The following SLC18A2 variants were observed in gnomAD, a reference collection of about 807,000 sequenced individuals.
The protein encoded by SLC18A2 is solute carrier family 18 member A2.
Under a neutral mutation model 59.2 loss-of-function variants are expected in SLC18A2, and 33 were observed. That is an observed-to-expected ratio of 0.56 (90% CI 0.42 to 0.75). SLC18A2 has a LOEUF of 0.75. Ranked by LOEUF, SLC18A2 falls within the 30% of genes least tolerant of loss-of-function variation. SLC18A2 has a pLI of 0.00. For missense variants in SLC18A2, 569 were observed against 668.6 expected (o/e 0.85, Z 1.64); for synonymous variants, 228 against 253.5 (o/e 0.90, Z 0.95).
intron 4 of SLC18A2, 141 bp from the exon 5 acceptor site, chr10:117,253,907 A>G: frequency 2.7e-6 from 2 of 745,624 alleles, no homozygotes; most frequent in South Asian, 1.6e-5. Context: ...AGGAATTGAT[A>G]GCTTTTTACG....
chr10:117,244,707 C>G (rs1251079728), intron 3 of SLC18A2, among the ~76,000 whole-genome samples: 2 of 152,220 alleles, frequency 1.3e-5, no homozygotes, highest in African/African-American at 4.8e-5. Context: ...TCTCCTACCT[C>G]AGGCCATGCA....
intron 3 of SLC18A2, among the ~76,000 whole-genome samples, chr10:117,247,596 A>G (rs1844121844): frequency 6.6e-6 from 1 of 152,260 alleles, no homozygotes; most frequent in South Asian, 2.1e-4. Context: ...TGTACCAGGC[A>G]GAACTGCTGG....
Position 117,270,917 on chromosome 10 carries a change from G to A in SLC18A2, c.1440+454G>A, listed in dbSNP as rs540624585. On this transcript the variant is annotated intron_variant, in intron 15 of 15. Transcript: ENST00000644641. Reference sequence around the variant, plus strand: ...TGTAGGATTTTAGAGATGATTTTACGATTTTTATGGAAAAATCATTGTATA... The same window carrying A: ...TGTAGGATTTTAGAGATGATTTTACAATTTTTATGGAAAAATCATTGTATA... 3.9e-5 allele frequency among the ~76,000 whole-genome samples: 6 copies of A among 152,196 alleles called. No homozygotes were observed. In the South Asian group the frequency reaches 8.3e-4, roughly 21 times the overall value.
intron 15 of SLC18A2, among the ~76,000 whole-genome samples, chr10:117,272,093 G>T (rs1477654875): frequency 6.6e-6 from 1 of 152,128 alleles, no homozygotes; most frequent in Non-Finnish European, 1.5e-5. Flanking sequence ...TTCCTCCTCT[G>T]TTGCATGGAG....
intron 3 of SLC18A2, among the ~76,000 whole-genome samples, chr10:117,249,563 T>C (rs1238411876): frequency 6.6e-6 from 1 of 152,164 alleles, no homozygotes; most frequent in Non-Finnish European, 1.5e-5. Context: ...TTGCATCTGG[T>C]GATAGTTTGC....
At chr10:117,268,966 T>G (rs1365154352) in intron 13 of SLC18A2, among the ~76,000 whole-genome samples, 1 of 138,044 alleles carries the variant, frequency 7.2e-6, no homozygotes, top group African/African-American at 2.7e-5. Context: ...ACATACACAC[T>G]CATACACAAA....
intron 6 of SLC18A2, 145 bp from the exon 7 acceptor site, chr10:117,255,132 C>G (rs1844213700): frequency 2.7e-6 from 2 of 729,008 alleles, no homozygotes; most frequent in African/African-American, 1.8e-5. Context: ...CAACTGAACT[C>G]TAACCGAACA....
At chr10:117,244,711 C>T (rs146811857) in intron 3 of SLC18A2, among the ~76,000 whole-genome samples, 44 of 152,320 alleles carry the variant, frequency 2.9e-4, no homozygotes, top group African/African-American at 9.9e-4. Context: ...CTACCTCAGG[C>T]CATGCACTTC....
intron 15 of SLC18A2, among the ~76,000 whole-genome samples, chr10:117,276,455 T>C (rs189811852): frequency 2.7e-5 from 4 of 149,562 alleles, no homozygotes; most frequent in Admixed American, 1.3e-4. Flanking sequence ...CTACTAGAAA[T>C]ACAAAAAAAG....
At chr10:117,272,525 T>A (rs1011794403) in intron 15 of SLC18A2, among the ~76,000 whole-genome samples, 1 of 152,152 alleles carries the variant, frequency 6.6e-6, no homozygotes, top group African/African-American at 2.4e-5. Context: ...CAGGCCTCAG[T>A]ACCCCTCCTC....
chr10:117,274,597 C>T (rs1268044023), intron 15 of SLC18A2, among the ~76,000 whole-genome samples: 1 of 152,194 alleles, frequency 6.6e-6, no homozygotes, highest in Non-Finnish European at 1.5e-5. Context: ...CAACTGGTAT[C>T]TCACTGTGCC....
Position 117,255,364 on chromosome 10 carries a change from G to C in SLC18A2, c.788G>C (p.Gly263Ala). 2 of 1,614,300 alleles carry C rather than the reference G, an allele frequency of 1.2e-6. No individual in the cohort carries two copies. The highest frequency in any genetic ancestry group is 1.7e-6 in the Non-Finnish European group (2 of 1,180,056). The stretch of plus-strand genomic sequence containing the variant: ...CTGGCCGCCCTGGTACTCTTGGATG[G>C]AGGTGAGTGAGTCCACGTGGGCGCC... The part of the protein sequence containing the change: ...LVLAALVLLD[G>A]AIQLFVLQPS... Residue 263 changes from glycine to alanine, a missense_variant and splice_region_variant, in exon 7 of 16, where the codon GGA (glycine) becomes GCA (alanine). Physicochemically the swap from Gly to Ala is moderately conservative, Grantham distance 60 (BLOSUM62 0). This residue lies in a region of SLC18A2 where 377 missense variants were observed against 389.8 expected (regional missense o/e 0.97). Transcript: ENST00000644641.
At chr10:117,252,868 C>T (rs929359179) in intron 3 of SLC18A2, among the ~76,000 whole-genome samples, 8 of 152,258 alleles carry the variant, frequency 5.3e-5, no homozygotes, top group South Asian at 2.1e-4. Context: ...AGTGGTCTCA[C>T]GGAGCAATTT....
At chr10:117,245,273 C>T (rs1844098934) in intron 3 of SLC18A2, among the ~76,000 whole-genome samples, 1 of 152,114 alleles carries the variant, frequency 6.6e-6, no homozygotes, top group Non-Finnish European at 1.5e-5. Context: ...CAGAGTCCTA[C>T]CTGCAGACCA....
rs543899490 is a variant in SLC18A2 at position 117,245,407 on chromosome 10, CTGAGAAAGGAG to C, written c.464+1097_464+1107del. Among the ~76,000 whole-genome samples the C allele has an allele frequency of 9.2e-5, 14 of 152,196 alleles. No homozygotes were observed. In the South Asian group the frequency reaches 2.7e-3, roughly 29 times the overall value. Reference sequence around the variant, plus strand: ...GCTGTAAGAGGCCCCAAGTGCTGGGCTGAGAAAGGAGTGGGATTCTGTGTGGGGCAGTTGGG... The same window carrying C: ...GCTGTAAGAGGCCCCAAGTGCTGGGCTGGGATTCTGTGTGGGGCAGTTGGG... On this transcript the variant is annotated intron_variant, in intron 3 of 15. Coordinates refer to ENST00000644641, the MANE Select transcript of SLC18A2 (RefSeq NM_003054.6).
chr10:117,250,903 G>A (rs1233126627), intron 3 of SLC18A2, among the ~76,000 whole-genome samples: 3 of 152,190 alleles, frequency 2.0e-5, no homozygotes, highest in African/African-American at 4.8e-5. Context: ...TGGCTGGACT[G>A]AACAGTGGGC....
intron 5 of SLC18A2, 72 bp from the exon 6 acceptor site, chr10:117,254,333 G>A: frequency 7.4e-7 from 1 of 1,350,580 alleles, no homozygotes; most frequent in South Asian, 1.3e-5. Context: ...GCTGGAGAGG[G>A]AAGGCGAGTC....
At chr10:117,241,970 G>A (rs571018366) in intron 2 of SLC18A2, 156 bp downstream of exon 2, 4 of 719,032 alleles carry the variant, frequency 5.6e-6, no homozygotes, top group African/African-American at 1.9e-5. Flanking sequence ...AGGCTGCCGC[G>A]CCGGGGCTAG....
At chr10:117,270,043 A>G (rs1309444318) in intron 13 of SLC18A2, 28 bp from the exon 14 acceptor site, 3 of 1,612,934 alleles carry the variant, frequency 1.9e-6, no homozygotes, top group Admixed American at 1.7e-5. Context: ...TCCGTTTTCT[A>G]TACACTGTGT....
Sources: gnomAD v4.1 joint callset for allele counts (sites outside exome capture counted in the v4.1 genomes callset) on GRCh38, gnomAD v4.1.1 for gene constraint, gnomAD v4.1.1 regional missense constraint, MANE v1.5 for transcripts, NCBI Gene and HGNC (gene_info 2026-07-23, HGNC 2026-07-21) for gene names.